The following CCDC9 variants were observed in gnomAD, a reference collection of about 807,000 sequenced individuals.
The protein encoded by CCDC9 is coiled-coil domain containing 9.
In CCDC9, 52 loss-of-function variants were observed where a neutral mutation model predicts 65.6. That is an observed-to-expected ratio of 0.79 (90% CI 0.63 to 1.00). CCDC9 has a LOEUF of 1.00. Among genes scored for constraint, CCDC9 ranks in the 50% least tolerant of loss-of-function variants. The pLI is 0.00. For synonymous variants in CCDC9, 332 were observed against 280.3 expected, an observed-to-expected ratio of 1.18 and a Z score of -1.84; for missense variants, 834 against 757.2, an observed-to-expected ratio of 1.10 and a Z score of -1.19.
downstream of CCDC9, chr19:47,275,152 C>T: frequency 2.7e-6 from 4 of 1,485,600 alleles, no homozygotes; most frequent in South Asian, 1.3e-5. Flanking sequence ...CCGTGTGCTG[C>T]CCGCCCGGGC....
At chr19:47,274,297 G>T (rs950659724), downstream of CCDC9, among the ~76,000 whole-genome samples, 7 of 150,914 alleles carry the variant, frequency 4.6e-5, no homozygotes, top group Non-Finnish European at 7.4e-5. Flanking sequence ...ATCCTGACAG[G>T]CGGAGTTAGA....
chr19:47,275,098 C>T, downstream of CCDC9: 1 of 1,494,338 alleles, frequency 6.7e-7, no homozygotes, highest in East Asian at 2.8e-5. Flanking sequence ...CCCACGCGGT[C>T]TCCCGCGGCA....
At chr19:47,267,685 C>T (rs1392045500) in intron 8 of CCDC9, among the ~76,000 whole-genome samples, 1 of 152,176 alleles carries the variant, frequency 6.6e-6, no homozygotes, top group Non-Finnish European at 1.5e-5. Flanking sequence ...CTGCCCCCTC[C>T]AGTGGATAGG....
At chr19:47,270,804 C>T in intron 10 of CCDC9, 116 bp downstream of exon 10, 9 of 1,243,640 alleles carry the variant, frequency 7.2e-6, no homozygotes, top group Non-Finnish European at 8.7e-6. Flanking sequence ...TTGTCTTGGC[C>T]CTGTCTATCT....
intron 1 of CCDC9, 22 bp from the exon 2 acceptor site, chr19:47,258,308 C>T: frequency 2.1e-6 from 3 of 1,438,568 alleles, no homozygotes; most frequent in South Asian, 2.3e-5. Context: ...GGCCTTTGTC[C>T]TTTTTTTCCC....
chr19:47,257,070 G>A (rs1393104795), intron 1 of CCDC9, among the ~76,000 whole-genome samples: 4 of 149,410 alleles, frequency 2.7e-5, no homozygotes, highest in Non-Finnish European at 6.0e-5. Context: ...CAGGGTGCTG[G>A]CGGGGAATGC....
chr19:47,271,799 C>T lies in CCDC9; in HGVS notation c.*121C>T, dbSNP rs1166796509. On this transcript the variant is annotated 3_prime_UTR_variant, in exon 12 of 12. Transcript: ENST00000221922. ...CTGGTGGGGGACCCTTGGGGCTGGG[C>T]CCTGGGACCCAGTGTGCCCCACAGC... 23 of 1,451,390 alleles carry T rather than the reference C, an allele frequency of 1.6e-5. No individual in the cohort carries two copies. Among genetic ancestry groups the T allele is most frequent in the African/African-American group, 1.4e-5 (1 of 70,280 alleles). 89.9% of individuals were successfully genotyped at this position (1,451,390 alleles called of 1,614,324 possible).
In CCDC9 at chr19:47,264,454, C is replaced by T. The variant is rs1057142075; in HGVS notation, c.463-149C>T. The T allele has an allele frequency of 5.3e-5, 38 of 716,126 alleles. No individual in the cohort carries two copies. The African/African-American group carries it at 5.6e-4, about 11-fold the overall frequency. The allele number at this position is 716,126 out of a possible 1,614,324, so 44.4% of individuals were successfully genotyped here. ...GCCAGCCAGCCTCATCAGTTCACTGCTGACCTGGAGCACGCTGAGAGCAAA... is the reference window on the plus strand; with the variant it reads ...GCCAGCCAGCCTCATCAGTTCACTGTTGACCTGGAGCACGCTGAGAGCAAA... On this transcript the variant is annotated intron_variant, in intron 5 of 11. Transcript: ENST00000221922.
intron 5 of CCDC9, 69 bp from the exon 6 acceptor site, chr19:47,264,534 G>A (rs2059067493): frequency 1.4e-6 from 2 of 1,443,206 alleles, no homozygotes; most frequent in African/African-American, 2.8e-5. Flanking sequence ...CTGCTGGGCA[G>A]CCCGTCTCCT....
At chr19:47,261,162 C>T (rs2059043333) in intron 5 of CCDC9, among the ~76,000 whole-genome samples, 1 of 151,910 alleles carries the variant, frequency 6.6e-6, no homozygotes, top group South Asian at 2.1e-4. Flanking sequence ...GCTGCGTGTC[C>T]CTCCCTGTCC....
chr19:47,257,507 A>T (rs1329466476), intron 1 of CCDC9: 2 of 152,298 alleles, frequency 1.3e-5, no homozygotes, highest in Non-Finnish European at 2.9e-5. Flanking sequence ...GGTTTCCAGG[A>T]TGTCGGGGAC....
chr19:47,262,135 G>C (rs535561823), intron 5 of CCDC9, among the ~76,000 whole-genome samples: 1 of 151,656 alleles, frequency 6.6e-6, no homozygotes, highest in Non-Finnish European at 1.5e-5. Context: ...CTTGTATGCT[G>C]AGCCCTGCAG....
At position 47,266,776 on chromosome 19, in the gene CCDC9, GAGA is replaced by G. The variant is rs1207475516; in HGVS notation, c.890_892del (p.Lys297del). On this transcript the variant is annotated inframe_deletion, in exon 8 of 12. Coordinates refer to ENST00000221922, the MANE Select transcript of CCDC9 (RefSeq NM_015603.3). ...CCAGTGGAGGCGCGAGTGGGATGCCGAGAAGACCGATGGGATGTGAGTCTCCTC... is the reference window on the plus strand; with the variant it reads ...CCAGTGGAGGCGCGAGTGGGATGCCGAGACCGATGGGATGTGAGTCTCCTC... 1.9e-6 allele frequency: 3 copies of G among 1,608,156 alleles called. No homozygotes were observed. The highest frequency in any genetic ancestry group is 1.3e-5 in the African/African-American group (1 of 74,856).
chr19:47,273,636 G>C, downstream of CCDC9: 1 of 393,834 alleles, frequency 2.5e-6, no homozygotes, highest in Non-Finnish European at 4.5e-6. Context: ...CCCCACCAAC[G>C]GGGGACGTCA....
At chr19:47,267,108 G>A (rs1386747501) in intron 8 of CCDC9, among the ~76,000 whole-genome samples, 1 of 151,962 alleles carries the variant, frequency 6.6e-6, no homozygotes, top group African/African-American at 2.4e-5. Flanking sequence ...GGGACTACAG[G>A]CGTCCGCCAC....
intron 8 of CCDC9, among the ~76,000 whole-genome samples, chr19:47,269,100 T>G (rs1221974680): frequency 6.6e-6 from 1 of 151,876 alleles, no homozygotes; most frequent in Non-Finnish European, 1.5e-5. Flanking sequence ...AGCAAGACCC[T>G]ATCTCTAAGA....
rs34398252 is a variant in CCDC9, at chr19:47,260,815, C to G, written c.438C>G (p.Thr146=). 2.5e-6 allele frequency: 4 copies of G among 1,613,154 alleles called. No homozygotes were observed. The South Asian group carries it at 4.4e-5, about 18-fold the overall frequency. ...CTCACCTCTCTGGAGCTGGAGACAC[C>G]TCAATCTCTGACCGTAAATCCAAGG... ...GSPHLSGAGD[T]SISDRKSKEW... Residue 146 remains threonine (T), a synonymous_variant, in exon 5 of 12, where the codon ACC becomes ACG. Transcript: ENST00000221922.
In CCDC9 at chr19:47,270,399, T is replaced by C. The variant is rs1216129826; in HGVS notation, c.903-8T>C. On this transcript the variant is annotated splice_polypyrimidine_tract_variant and splice_region_variant and intron_variant, in intron 8 of 11. Transcript: ENST00000221922. ...CAGCTGCCCGCTCACCCGTTATCTT[T>C]CCCCCAGGTTCAAGGATGGCCCAGT... 1 of 1,613,896 alleles carries C rather than the reference T, an allele frequency of 6.2e-7. No individual in the cohort carries two copies. The highest frequency in any genetic ancestry group is 8.5e-7 in the Non-Finnish European group (1 of 1,179,952).
chr19:47,269,129 C>T lies in CCDC9; in HGVS notation c.903-1278C>T, dbSNP rs115740034. On this transcript the variant is annotated intron_variant, in intron 8 of 11. Transcript: ENST00000221922. ...TCTAAGAAAAAAAAATGCATGGTGTCTTGCTTTCATCAGCATATATTTGAG... is the reference window on the plus strand; with the variant it reads ...TCTAAGAAAAAAAAATGCATGGTGTTTTGCTTTCATCAGCATATATTTGAG... Among the ~76,000 whole-genome samples the T allele has an allele frequency of 3.3e-3, 501 of 152,060 alleles. 2 individuals are homozygous for T. The highest frequency in any genetic ancestry group is 0.011 in the African/African-American group (476 of 41,488).
Sources: allele counts gnomAD v4.1 joint callset (sites outside exome capture counted in the v4.1 genomes callset), GRCh38; gene constraint gnomAD v4.1.1; transcripts MANE v1.5; gene names NCBI Gene and HGNC (gene_info 2026-07-23, HGNC 2026-07-21).